Variants in KIAA0825 observed in about 807,000 individuals in gnomAD.
KIAA0825 encodes uncharacterized protein KIAA0825.
KIAA0825 carries 119 observed loss-of-function variants against 147.6 expected under a neutral mutation model. The ratio of observed to expected loss-of-function variants is 0.81; its 90% CI spans 0.69 to 0.94. The LOEUF is 0.94. Ranked by LOEUF, KIAA0825 falls within the 40% of genes least tolerant of loss-of-function variation. The pLI is 0.00. For missense variants in KIAA0825, 1,381 were observed against 1,472.7 expected (o/e 0.94, Z 1.02); for synonymous variants, 470 against 518.1 (o/e 0.91, Z 1.26).
chr5:94,503,833 T>G (rs896552415), intron 5 of KIAA0825, among the ~76,000 whole-genome samples: 3 of 152,216 alleles, frequency 2.0e-5, no homozygotes, highest in African/African-American at 7.2e-5. Context: ...AAGAGCCTAC[T>G]CTGCATTCTC....
At chr5:94,406,738 C>T (rs1331629542) in intron 15 of KIAA0825, among the ~76,000 whole-genome samples, 1 of 152,222 alleles carries the variant, frequency 6.6e-6, no homozygotes, top group Non-Finnish European at 1.5e-5. Context: ...AGCTCCCATT[C>T]CTCAGCAAGT....
At chr5:94,419,386 C>T (rs1039779837) in intron 14 of KIAA0825, among the ~76,000 whole-genome samples, 3 of 152,180 alleles carry the variant, frequency 2.0e-5, no homozygotes, top group Admixed American at 6.6e-5. Flanking sequence ...CCATTATCCT[C>T]ATGTCCTTCC....
At chr5:94,244,017 C>G (rs1368876949) in intron 20 of KIAA0825, among the ~76,000 whole-genome samples, 1 of 152,102 alleles carries the variant, frequency 6.6e-6, no homozygotes, top group Non-Finnish European at 1.5e-5. Context: ...GATAATTTTC[C>G]TGGCCTGTCA....
At chr5:94,351,237 G>A (rs1234202096) in intron 20 of KIAA0825, among the ~76,000 whole-genome samples, 1 of 152,046 alleles carries the variant, frequency 6.6e-6, no homozygotes, top group Admixed American at 6.6e-5. Context: ...CTGGATACAA[G>A]ATTAATGTAC....
chr5:94,165,208 T>G (rs1188753298), intron 20 of KIAA0825, among the ~76,000 whole-genome samples: 1 of 152,142 alleles, frequency 6.6e-6, no homozygotes, highest in East Asian at 1.9e-4. Context: ...AAGATTTGAA[T>G]AGAAATTTTT....
chr5:94,474,381 A>G (rs866126188), intron 7 of KIAA0825, among the ~76,000 whole-genome samples: 1 of 152,178 alleles, frequency 6.6e-6, no homozygotes, highest in Non-Finnish European at 1.5e-5. Flanking sequence ...GTTTTAATGT[A>G]ACTTTGTTTA....
rs1005283654 is a variant in KIAA0825, at chr5:94,489,184, T to C, written c.971-4254A>G. On this transcript the variant is annotated intron_variant, in intron 5 of 20. Coordinates refer to ENST00000682413, the MANE Select transcript of KIAA0825 (RefSeq NM_001145678.3). ...CCCTTTAAGAAACTAAGGAAAGTCTTCTAAAGCCTCCTAGACCTTCTCATT... is the reference window on the plus strand; with the variant it reads ...CCCTTTAAGAAACTAAGGAAAGTCTCCTAAAGCCTCCTAGACCTTCTCATT... Among the ~76,000 whole-genome samples, 11 of 152,284 alleles carry C rather than the reference T, an allele frequency of 7.2e-5. 1 individual carries two copies. Among genetic ancestry groups the C allele is most frequent in the African/African-American group, 2.6e-4 (11 of 41,562 alleles).
intron 20 of KIAA0825, among the ~76,000 whole-genome samples, chr5:94,375,900 G>A (rs1747491985): frequency 6.6e-6 from 1 of 152,142 alleles, no homozygotes; most frequent in African/African-American, 2.4e-5. Context: ...CTAAATAAAT[G>A]CCTTTCATTT....
At chr5:94,541,768 C>T (rs746914696) in intron 2 of KIAA0825, among the ~76,000 whole-genome samples, 1 of 152,138 alleles carries the variant, frequency 6.6e-6, no homozygotes, top group African/African-American at 2.4e-5. Flanking sequence ...ATTAAGAATT[C>T]GGTTTGACAC....
intron 14 of KIAA0825, among the ~76,000 whole-genome samples, chr5:94,419,071 T>C (rs1381772823): frequency 1.3e-5 from 2 of 152,106 alleles, no homozygotes; most frequent in East Asian, 3.9e-4. Flanking sequence ...AGATGGGGTC[T>C]TGCTCTGTTG....
At chr5:94,310,913 T>C (rs540161125) in intron 20 of KIAA0825, among the ~76,000 whole-genome samples, 1 of 151,800 alleles carries the variant, frequency 6.6e-6, no homozygotes, top group East Asian at 1.9e-4. Flanking sequence ...GGTTCCTTAA[T>C]TGCACTTAAT....
chr5:94,217,922 G>T (rs1773343833), intron 20 of KIAA0825, among the ~76,000 whole-genome samples: 1 of 152,098 alleles, frequency 6.6e-6, no homozygotes, highest in African/African-American at 2.4e-5. Context: ...TATAACTCTT[G>T]GGTATGTTGC....
At chr5:94,499,599 G>GT (rs1764824400) in intron 5 of KIAA0825, among the ~76,000 whole-genome samples, 1 of 105,330 alleles carries the variant, frequency 9.5e-6, no homozygotes, top group Non-Finnish European at 2.0e-5. Flanking sequence ...GGGGGGGGGG[G>GT]ACCAAGGGTC....
intron 20 of KIAA0825, among the ~76,000 whole-genome samples, chr5:94,297,587 A>G (rs1778193970): frequency 6.6e-6 from 1 of 151,700 alleles, no homozygotes; most frequent in Non-Finnish European, 1.5e-5. Context: ...TATCATCACC[A>G]TTATTGTTAT....
intron 20 of KIAA0825, among the ~76,000 whole-genome samples, chr5:94,242,681 A>C (rs555679236): frequency 6.7e-6 from 1 of 148,602 alleles, no homozygotes; most frequent in Non-Finnish European, 1.5e-5. Flanking sequence ...GCTGGAGTGC[A>C]GTGCTGCCAT....
intron 14 of KIAA0825, among the ~76,000 whole-genome samples, chr5:94,438,843 C>T (rs1756707797): frequency 6.6e-6 from 1 of 152,120 alleles, no homozygotes; most frequent in Non-Finnish European, 1.5e-5. Flanking sequence ...ATGACATTTG[C>T]CTCATTCACA....
chr5:94,421,567 C>G (rs1051431640), intron 14 of KIAA0825, among the ~76,000 whole-genome samples: 2 of 152,170 alleles, frequency 1.3e-5, no homozygotes, highest in Non-Finnish European at 2.9e-5. Context: ...AATATCTCTA[C>G]CCCGTTTCCC....
chr5:94,299,589 C>T (rs17488764), intron 20 of KIAA0825, among the ~76,000 whole-genome samples: 14,967 of 152,088 alleles, frequency 0.098, 787 homozygotes, highest in Non-Finnish European at 0.12. Context: ...TACTCAAATT[C>T]ATGACTGAAA....
chr5:94,466,069 T>C (rs1760452691), intron 10 of KIAA0825, among the ~76,000 whole-genome samples: 1 of 152,192 alleles, frequency 6.6e-6, no homozygotes, highest in Admixed American at 6.5e-5. Context: ...CAAGTGATTA[T>C]CTTTTACTTA....
Sources: allele counts gnomAD v4.1 joint callset (sites outside exome capture counted in the v4.1 genomes callset), GRCh38; gene constraint gnomAD v4.1.1; transcripts MANE v1.5; gene names NCBI Gene and HGNC (gene_info 2026-07-23, HGNC 2026-07-21).